The following SMARCC1 variants were observed in gnomAD, a reference collection of about 807,000 sequenced individuals.
SMARCC1 encodes SWI/SNF related BAF chromatin remodeling complex subunit C1.
Under a neutral mutation model 147.4 loss-of-function variants are expected in SMARCC1, and 43 were observed. The observed-to-expected ratio is 0.29, with a 90% CI of 0.23 to 0.38. SMARCC1 has a LOEUF of 0.38. SMARCC1 is among the 10% of genes least tolerant of loss of function. The pLI, the probability that SMARCC1 is intolerant of heterozygous loss-of-function variation, is 1.00. For synonymous variants in SMARCC1, 495 were observed against 484.4 expected (o/e 1.02, Z -0.29); for missense variants, 1,119 against 1,381.1 (o/e 0.81, Z 3.01).
chr3:47,644,151 G>A (rs577903576), intron 21 of SMARCC1, among the ~76,000 whole-genome samples: 3 of 152,260 alleles, frequency 2.0e-5, no homozygotes, highest in African/African-American at 7.2e-5. Flanking sequence ...CTGCACTCCA[G>A]CCTGGGTGAC....
At chr3:47,700,387 T>C (rs1489678223) in intron 11 of SMARCC1, among the ~76,000 whole-genome samples, 3 of 152,190 alleles carry the variant, frequency 2.0e-5, no homozygotes, top group East Asian at 1.9e-4. Flanking sequence ...ATGCCTATCA[T>C]AGGTCTTTAC....
At chr3:47,748,595 C>G (rs2034593485) in intron 2 of SMARCC1, among the ~76,000 whole-genome samples, 1 of 151,996 alleles carries the variant, frequency 6.6e-6, no homozygotes, top group Non-Finnish European at 1.5e-5. Flanking sequence ...ATCTATGCCA[C>G]AATTCAAGAG....
intron 6 of SMARCC1, among the ~76,000 whole-genome samples, chr3:47,728,107 G>T (rs1184429299): frequency 1.9e-4 from 2 of 10,572 alleles, no homozygotes; most frequent in African/African-American, 6.5e-4. Context: ...TTTTTTTTGA[G>T]ATGGAGTCTC....
chr3:47,687,460 A>T (rs2033739749), intron 13 of SMARCC1, among the ~76,000 whole-genome samples: 2 of 152,222 alleles, frequency 1.3e-5, no homozygotes. Flanking sequence ...ATCAGAAAAC[A>T]ACAAGGAAGA....
At chr3:47,706,671 A>T (rs974885732) in intron 9 of SMARCC1, 141 bp from the exon 10 acceptor site, 2 of 711,192 alleles carry the variant, frequency 2.8e-6, no homozygotes, top group African/African-American at 3.8e-5. Context: ...ATCATTAATC[A>T]TCCAGGAACA....
chr3:47,595,095 T>C (rs1333663327), intron 26 of SMARCC1, among the ~76,000 whole-genome samples: 1 of 152,210 alleles, frequency 6.6e-6, no homozygotes, highest in Non-Finnish European at 1.5e-5. Context: ...CCACAGGCTG[T>C]TCCTCTCAGT....
intron 25 of SMARCC1, among the ~76,000 whole-genome samples, chr3:47,620,070 A>G (rs1385075962): frequency 6.6e-6 from 1 of 152,240 alleles, no homozygotes; most frequent in Non-Finnish European, 1.5e-5. Context: ...TGTAGATAAA[A>G]AAGTCAAAAT....
chr3:47,608,872 A>C (rs1305223871), intron 26 of SMARCC1, among the ~76,000 whole-genome samples: 1 of 151,010 alleles, frequency 6.6e-6, no homozygotes, highest in Admixed American at 6.6e-5. Flanking sequence ...AAAAAAAAAA[A>C]AAGTGTGAAT....
chr3:47,704,841 C>T (rs2033971936), intron 10 of SMARCC1, among the ~76,000 whole-genome samples: 1 of 151,606 alleles, frequency 6.6e-6, no homozygotes. Context: ...CGCCTGAGCC[C>T]AGGAGATGGA....
At chr3:47,755,762 G>A (rs960243128) in intron 2 of SMARCC1, among the ~76,000 whole-genome samples, 1 of 151,550 alleles carries the variant, frequency 6.6e-6, no homozygotes, top group Non-Finnish European at 1.5e-5. Flanking sequence ...GGAGGCCGAG[G>A]CGGGCCGATC....
intron 9 of SMARCC1, 139 bp downstream of exon 9, chr3:47,710,544 C>T (rs923999702): frequency 3.8e-6 from 3 of 779,304 alleles, no homozygotes; most frequent in African/African-American, 3.6e-5. Context: ...TTGGAATTTT[C>T]ACCTGATGGC....
At chr3:47,604,104 C>G (rs1264397914) in intron 26 of SMARCC1, 4 of 456,750 alleles carry the variant, frequency 8.8e-6, no homozygotes, top group Non-Finnish European at 1.8e-5. Flanking sequence ...GGAATATGTA[C>G]AGGTGCCAGC....
intron 7 of SMARCC1, among the ~76,000 whole-genome samples, chr3:47,715,322 A>G (rs1272295874): frequency 6.6e-6 from 1 of 152,174 alleles, no homozygotes; most frequent in Non-Finnish European, 1.5e-5. Context: ...TCAACTTGCA[A>G]TGCTACCCTG....
intron 2 of SMARCC1, among the ~76,000 whole-genome samples, chr3:47,767,740 C>T (rs900415296): frequency 3.2e-4 from 49 of 151,180 alleles, no homozygotes; most frequent in African/African-American, 1.2e-3. Flanking sequence ...TGGTGGTGGG[C>T]GCCTGTAATC....
At chr3:47,614,100 T>A (rs747595048) in intron 25 of SMARCC1, among the ~76,000 whole-genome samples, 17 of 152,198 alleles carry the variant, frequency 1.1e-4, no homozygotes, top group Non-Finnish European at 2.1e-4. Flanking sequence ...CACCTTCCTT[T>A]TCAATGCTTT....
intron 2 of SMARCC1, among the ~76,000 whole-genome samples, chr3:47,749,692 A>C (rs200143245): frequency 2.4e-3 from 32 of 13,498 alleles, no homozygotes; most frequent in Middle Eastern, 0.045. Flanking sequence ...CACACACACA[A>C]AGTGAGACCC....
intron 14 of SMARCC1, among the ~76,000 whole-genome samples, chr3:47,685,405 T>C (rs2033707833): frequency 6.6e-6 from 1 of 152,176 alleles, no homozygotes; most frequent in Non-Finnish European, 1.5e-5. Flanking sequence ...CTAAAAACTT[T>C]TTATAATAAT....
chr3:47,664,332 A>G (rs2033396068), intron 19 of SMARCC1, among the ~76,000 whole-genome samples: 2 of 152,216 alleles, frequency 1.3e-5, no homozygotes, highest in South Asian at 4.1e-4. Flanking sequence ...TATTGTGTTC[A>G]TTCATTAGAA....
intron 15 of SMARCC1, among the ~76,000 whole-genome samples, chr3:47,679,113 G>C (rs1468671775): frequency 6.6e-6 from 1 of 151,676 alleles, no homozygotes; most frequent in Non-Finnish European, 1.5e-5. Flanking sequence ...TAAGGACTTT[G>C]AGACCTAGCA....
Sources: gnomAD v4.1 joint callset for allele counts (sites outside exome capture counted in the v4.1 genomes callset) on GRCh38, gnomAD v4.1.1 for gene constraint, MANE v1.5 for transcripts, NCBI Gene and HGNC (gene_info 2026-07-23, HGNC 2026-07-21) for gene names.